ABCA9: variants seen among roughly 807,000 people sequenced by gnomAD.
ABCA9 encodes ATP binding cassette subfamily A member 9, also known as ATP-binding cassette sub-family A member 9.
In ABCA9, 183 loss-of-function variants were observed where a neutral mutation model predicts 205.3. The observed-to-expected ratio is 0.89, with a 90% confidence interval of 0.79 to 1.01. The LOEUF is 1.01. Among genes scored for constraint, ABCA9 ranks in the 50% least tolerant of loss-of-function variants. The probability of loss-of-function intolerance (pLI) is 0.00; values close to 1 mark genes in which losing one functional copy is unlikely to be tolerated. For synonymous variants in ABCA9, 651 were observed against 683.3 expected (o/e 0.95, Z 0.74); for missense variants, 1,805 against 1,912.4 (o/e 0.94, Z 1.05).
chr17:69,046,919 T>A (rs898659893), intron 3 of ABCA9, among the ~76,000 whole-genome samples: 3 of 124,236 alleles, frequency 2.4e-5, no homozygotes, highest in African/African-American at 5.6e-5. Context: ...ATATAAAATT[T>A]TATATATATA....
intron 3 of ABCA9, among the ~76,000 whole-genome samples, chr17:69,048,426 T>TA (rs67637213): frequency 0.36 from 55,052 of 152,008 alleles, 10,287 homozygotes; most frequent in East Asian, 0.68. Context: ...AGCATGGACT[T>TA]ACGCCACATT....
intron 5 of ABCA9, 137 bp from the exon 6 acceptor site, chr17:69,043,852 C>T (rs1452472154): frequency 1.3e-5 from 10 of 753,762 alleles, no homozygotes; most frequent in Non-Finnish European, 1.9e-5. Context: ...GATCTGGCCC[C>T]TTGTGGTTCC....
At chr17:68,978,315 T>G (rs1354318579) in intron 37 of ABCA9, among the ~76,000 whole-genome samples, 1 of 152,194 alleles carries the variant, frequency 6.6e-6, no homozygotes, top group Non-Finnish European at 1.5e-5. Flanking sequence ...GTTTTCCATT[T>G]GCTTGGTAGA....
the ABCA9 span, among the ~76,000 whole-genome samples, chr17:69,071,411 T>G: frequency 1.3e-5 from 2 of 152,152 alleles, no homozygotes; most frequent in East Asian, 3.9e-4. Context: ...CAGCAATCTT[T>G]GCTGTTCTGC....
upstream of ABCA9, among the ~76,000 whole-genome samples, chr17:69,064,861 A>AT (rs565594958): frequency 1.1e-4 from 17 of 151,454 alleles, no homozygotes; most frequent in Admixed American, 9.2e-4. Context: ...CCATTTGTAA[A>AT]TTTTTTTTTA....
chr17:69,027,256 G>T, intron 14 of ABCA9, 74 bp downstream of exon 14: 1 of 1,566,446 alleles, frequency 6.4e-7, no homozygotes. Flanking sequence ...TTTATCATTT[G>T]AAAATTGTTT....
chr17:69,012,030 C>T lies in ABCA9; in HGVS notation c.3093G>A (p.Pro1031=), dbSNP rs200436897. ...TGTATGGAGTGAAAGAGGCTGCCAT[C>T]GGTATCCAGAAGAAGGTGTTACTTC... is the stretch of plus-strand genomic sequence containing the variant. ...GYRSNTFFWI[P]MAASFTPYIA... is the part of the protein sequence containing the mutation. The change falls in exon 23 of 39, where the codon CCG becomes CCA. Residue 1031 remains proline, a synonymous_variant. Transcript: ENST00000340001. The T allele has an allele frequency of 1.8e-5, 29 of 1,613,048 alleles. No individual in the cohort carries two copies. Among genetic ancestry groups the T allele is most frequent in the Admixed American group, 5.0e-5 (3 of 59,868 alleles).
At chr17:69,072,745 A>T in the ABCA9 span, among the ~76,000 whole-genome samples, 1 of 152,206 alleles carries the variant, frequency 6.6e-6, no homozygotes, top group Non-Finnish European at 1.5e-5. Flanking sequence ...TTCACACATA[A>T]CAATATTAAC....
chr17:69,063,044 G>A (rs1454774479), upstream of ABCA9, among the ~76,000 whole-genome samples: 1 of 152,182 alleles, frequency 6.6e-6, no homozygotes, highest in African/African-American at 2.4e-5. Context: ...GACCAGAAAG[G>A]TGAGGCCCAG....
chr17:69,018,177 C>A (rs1424439089), intron 20 of ABCA9: 1 of 419,182 alleles, frequency 2.4e-6, no homozygotes, highest in Non-Finnish European at 4.1e-6. Flanking sequence ...ACCTCCCTAC[C>A]TCCTCTTTAG....
At chr17:69,074,983 A>G in the ABCA9 span, among the ~76,000 whole-genome samples, 1 of 152,024 alleles carries the variant, frequency 6.6e-6, no homozygotes, top group Non-Finnish European at 1.5e-5. Flanking sequence ...TTTGATTTGC[A>G]TTTCTCTGAT....
At chr17:68,998,308 C>G (rs1160106247) in intron 25 of ABCA9, among the ~76,000 whole-genome samples, 1 of 152,190 alleles carries the variant, frequency 6.6e-6, no homozygotes, top group Admixed American at 6.5e-5. Context: ...TTTACTTCCA[C>G]ATTTTATATT....
intron 1 of ABCA9, among the ~76,000 whole-genome samples, chr17:69,056,681 C>G (rs940077342): frequency 1.3e-5 from 2 of 152,148 alleles, no homozygotes; most frequent in Admixed American, 1.3e-4. Flanking sequence ...TGTTCTGTAT[C>G]TTTCAACTCC....
chr17:69,000,223 A>T (rs377479296), intron 25 of ABCA9, among the ~76,000 whole-genome samples: 5 of 148,938 alleles, frequency 3.4e-5, no homozygotes, highest in South Asian at 2.2e-4. Flanking sequence ...CTGAATGGTA[A>T]TGCCTAGGTT....
In ABCA9 at chr17:68,974,640, T is replaced by C. The variant is rs1237797287; in HGVS notation, c.*1275A>G. 1 of 152,198 alleles carries C rather than the reference T, an allele frequency of 6.6e-6. No homozygotes were observed. The highest frequency in any genetic ancestry group is 1.5e-5 in the Non-Finnish European group (1 of 68,028). 9.4% of individuals were successfully genotyped at this position (152,198 alleles called of 1,614,324 possible). ...AGAAAAACTCACCTAAATAAGAGTA[T>C]ACAAGTTTATTTTAAGGTGTTCATA... On this transcript the variant is annotated 3_prime_UTR_variant, in exon 39 of 39. Coordinates refer to ENST00000340001, the MANE Select transcript of ABCA9 (RefSeq NM_080283.4).
intron 18 of ABCA9, among the ~76,000 whole-genome samples, chr17:69,021,191 C>G (rs1250455844): frequency 6.6e-6 from 1 of 151,792 alleles, no homozygotes; most frequent in Non-Finnish European, 1.5e-5. Context: ...AAGAAAAATG[C>G]TTGATCAATC....
intron 34 of ABCA9, 21 bp downstream of exon 34, chr17:68,984,864 T>C (rs1308745703): frequency 3.7e-6 from 6 of 1,613,900 alleles, no homozygotes; most frequent in Non-Finnish European, 5.1e-6. Context: ...CATGCAGAGG[T>C]TGCTCATGAT....
intron 8 of ABCA9, 138 bp downstream of exon 8, chr17:69,035,108 A>G: frequency 2.9e-6 from 2 of 686,754 alleles, no homozygotes; most frequent in Non-Finnish European, 4.2e-6. Flanking sequence ...GAGAAAAATT[A>G]AAGTCACTCC....
At chr17:69,052,894 A>C (rs2071953536) in intron 1 of ABCA9, among the ~76,000 whole-genome samples, 1 of 152,216 alleles carries the variant, frequency 6.6e-6, no homozygotes, top group African/African-American at 2.4e-5. Context: ...ACTCAGAAAA[A>C]CAGTCTAATT....
Sources: gnomAD v4.1 joint callset for allele counts (sites outside exome capture counted in the v4.1 genomes callset) on GRCh38, gnomAD v4.1.1 for gene constraint, MANE v1.5 for transcripts, NCBI Gene and HGNC (gene_info 2026-07-23, HGNC 2026-07-21) for gene names.